Variants in TLCD4 observed in about 807,000 individuals in gnomAD.
TLCD4 encodes the protein TLC domain-containing protein 4.
TLCD4 carries 7 observed loss-of-function variants against 24.2 expected under a neutral mutation model. The observed-to-expected ratio is 0.29, with a 90% CI of 0.16 to 0.54. The LOEUF is 0.54. Ranked by LOEUF, TLCD4 falls within the 20% of genes least tolerant of loss-of-function variation. The pLI, the probability that TLCD4 is intolerant of heterozygous loss-of-function variation, is 0.95. For synonymous variants in TLCD4, 103 were observed against 106.4 expected (o/e 0.97, Z 0.20); for missense variants, 259 against 313.9 (o/e 0.82, Z 1.32).
the TLCD4 span, among the ~76,000 whole-genome samples, chr1:95,097,582 C>G: frequency 6.6e-6 from 1 of 152,194 alleles, no homozygotes; most frequent in African/African-American, 2.4e-5. Context: ...TAGGGAAACC[C>G]AGATCACTTC....
chr1:95,120,873 A>G (rs958034365), intron 1 of TLCD4, among the ~76,000 whole-genome samples: 2 of 152,242 alleles, frequency 1.3e-5, no homozygotes, highest in South Asian at 2.1e-4. Context: ...AGTGGATCAC[A>G]GTCCACTATT....
At chr1:95,109,184 C>T in the TLCD4 span, among the ~76,000 whole-genome samples, 1 of 151,796 alleles carries the variant, frequency 6.6e-6, no homozygotes, top group Non-Finnish European at 1.5e-5. Flanking sequence ...AAAAATTAGC[C>T]AGGCCTGGTG....
intron 5 of TLCD4, among the ~76,000 whole-genome samples, chr1:95,172,573 AT>A (rs1374392326): frequency 1.3e-5 from 2 of 152,120 alleles, no homozygotes; most frequent in East Asian, 3.9e-4. Context: ...CTTCTTCCTC[AT>A]CACAAATTCC....
At chr1:95,142,920 C>G (rs1677246078) in intron 1 of TLCD4, among the ~76,000 whole-genome samples, 1 of 146,176 alleles carries the variant, frequency 6.8e-6, no homozygotes, top group African/African-American at 2.5e-5. Flanking sequence ...CACCACTGCA[C>G]TCTAGCCTGG....
the TLCD4 span, among the ~76,000 whole-genome samples, chr1:95,111,632 G>A: frequency 6.6e-6 from 1 of 152,238 alleles, no homozygotes; most frequent in Admixed American, 6.5e-5. Flanking sequence ...AACTGGCTTG[G>A]CAAAATGGAA....
At chr1:95,151,216 G>A (rs562428867) in intron 4 of TLCD4, 109 bp from the exon 5 acceptor site, 1 of 1,074,762 alleles carries the variant, frequency 9.3e-7, no homozygotes, top group South Asian at 1.3e-5. Context: ...AAAGTGCTGT[G>A]GGCTCAGAGT....
intron 5 of TLCD4, among the ~76,000 whole-genome samples, chr1:95,171,475 G>A (rs372957212): frequency 3.3e-5 from 5 of 152,204 alleles, no homozygotes; most frequent in Admixed American, 2.0e-4. Flanking sequence ...GACATTGCCC[G>A]TTGGATTAAC....
intron 1 of TLCD4, among the ~76,000 whole-genome samples, chr1:95,126,311 C>G (rs994317903): frequency 6.6e-6 from 1 of 151,720 alleles, no homozygotes; most frequent in Non-Finnish European, 1.5e-5. Flanking sequence ...GCCTGTAGTT[C>G]CAGCTGCTTG....
At chr1:95,133,538 T>C (rs559786673) in intron 1 of TLCD4, among the ~76,000 whole-genome samples, 1 of 152,234 alleles carries the variant, frequency 6.6e-6, no homozygotes, top group African/African-American at 2.4e-5. Flanking sequence ...TAGTTACAGA[T>C]GGAGGTAGTT....
At chr1:95,134,948 C>T (rs968964509) in intron 1 of TLCD4, among the ~76,000 whole-genome samples, 2 of 152,134 alleles carry the variant, frequency 1.3e-5, no homozygotes, top group African/African-American at 2.4e-5. Context: ...TTCTGTCTTA[C>T]AGATGAGGAA....
At chr1:95,181,440 T>C (rs1273270900) in intron 6 of TLCD4, among the ~76,000 whole-genome samples, 1 of 152,142 alleles carries the variant, frequency 6.6e-6, no homozygotes, top group African/African-American at 2.4e-5. Context: ...CCTTAATATG[T>C]CATCAAAATA....
chr1:95,176,216 C>T (rs11165335), intron 6 of TLCD4, among the ~76,000 whole-genome samples: 1 of 146,666 alleles, frequency 6.8e-6, no homozygotes, highest in African/African-American at 2.5e-5. Context: ...TTTTTTGATG[C>T]AGTTTTGCTC....
At chr1:95,175,799 A>G (rs1678402581) in intron 6 of TLCD4, among the ~76,000 whole-genome samples, 1 of 150,272 alleles carries the variant, frequency 6.7e-6, no homozygotes, top group Non-Finnish European at 1.5e-5. Flanking sequence ...TTTTGGATAC[A>G]GGGTCTCACT....
chr1:95,187,836 A>G (rs1678878315), intron 6 of TLCD4, among the ~76,000 whole-genome samples: 1 of 151,678 alleles, frequency 6.6e-6, no homozygotes, highest in Non-Finnish European at 1.5e-5. Context: ...CCGGATGTCC[A>G]AGACCAAGGT....
intron 6 of TLCD4, among the ~76,000 whole-genome samples, chr1:95,186,420 C>G (rs1019985847): frequency 3.3e-5 from 5 of 152,088 alleles, no homozygotes; most frequent in Non-Finnish European, 5.9e-5. Flanking sequence ...ACGGAGGGTG[C>G]TGATGTGTGT....
At position 95,191,532 on chromosome 1, in the gene TLCD4, C is replaced by G; in HGVS notation, c.474-18C>G. 1 of 1,590,084 alleles carries G rather than the reference C, an allele frequency of 6.3e-7. No homozygotes were observed. The highest frequency in any genetic ancestry group is 8.5e-7 in the Non-Finnish European group (1 of 1,170,228). On this transcript the variant is annotated intron_variant, in intron 6 of 6. Coordinates refer to ENST00000370203, the MANE Select transcript of TLCD4 (RefSeq NM_152487.3). ...GAGATGCACTATAAATGTGATGTTT[C>G]TTTAATTCATTTTTCAGGTGGTTCT...
chr1:95,162,881 T>G (rs532081169), intron 5 of TLCD4, among the ~76,000 whole-genome samples: 26 of 152,252 alleles, frequency 1.7e-4, no homozygotes, highest in Non-Finnish European at 3.4e-4. Context: ...GCTGTTAGTC[T>G]GTTGGGCTTC....
intron 5 of TLCD4, among the ~76,000 whole-genome samples, chr1:95,165,783 A>G (rs1678000241): frequency 6.6e-6 from 1 of 152,140 alleles, no homozygotes; most frequent in African/African-American, 2.4e-5. Context: ...TGTATGTTTT[A>G]AGGATATTGA....
chr1:95,173,605 T>A (rs1245522824), intron 5 of TLCD4, among the ~76,000 whole-genome samples: 1 of 152,218 alleles, frequency 6.6e-6, no homozygotes, highest in African/African-American at 2.4e-5. Flanking sequence ...AGTGTATAAT[T>A]TACTGTTTTT....
Sources: gnomAD v4.1 joint callset for allele counts (sites outside exome capture counted in the v4.1 genomes callset) on GRCh38, gnomAD v4.1.1 for gene constraint, MANE v1.5 for transcripts, NCBI Gene and HGNC (gene_info 2026-07-23, HGNC 2026-07-21) for gene names.